METTL15: variants seen among roughly 807,000 people sequenced by gnomAD.
The protein encoded by METTL15 is methyltransferase 15, mitochondrial 12S rRNA N4-cytidine, also known as 12S rRNA N(4)-cytidine methyltransferase METTL15.
METTL15 carries 34 observed loss-of-function variants against 38.3 expected under a neutral mutation model. The observed-to-expected ratio is 0.89, with a 90% CI of 0.68 to 1.18. The LOEUF (loss-of-function observed/expected upper bound fraction) is 1.18. METTL15 is among the 50% of genes most tolerant of loss of function. The probability of loss-of-function intolerance (pLI) is 0.00; values close to 1 mark genes in which losing one functional copy is unlikely to be tolerated. For synonymous variants in METTL15, 162 were observed against 170.9 expected (o/e 0.95, Z 0.41); for missense variants, 438 against 498.4 (o/e 0.88, Z 1.15).
At chr11:28,377,132 T>C (rs1276209176) in intron 5 of METTL15, among the ~76,000 whole-genome samples, 2 of 145,008 alleles carry the variant, frequency 1.4e-5, no homozygotes, top group African/African-American at 4.9e-5. Context: ...CTGACAATTA[T>C]GTTTCTTGGA....
intron 4 of METTL15, among the ~76,000 whole-genome samples, chr11:28,215,654 G>C (rs1410674166): frequency 6.6e-6 from 1 of 152,032 alleles, no homozygotes; most frequent in Non-Finnish European, 1.5e-5. Context: ...CCAAGTTAAA[G>C]AAAACTATAA....
At chr11:28,411,252 T>C (rs564668245) in intron 5 of METTL15, among the ~76,000 whole-genome samples, 1 of 151,996 alleles carries the variant, frequency 6.6e-6, no homozygotes, top group African/African-American at 2.4e-5. Flanking sequence ...AATTCTAAAA[T>C]TCATATGGGA....
intron 6 of METTL15, among the ~76,000 whole-genome samples, chr11:28,430,851 T>TG (rs1330651997): frequency 3.9e-5 from 2 of 50,958 alleles, no homozygotes; most frequent in African/African-American, 7.3e-5. Flanking sequence ...GGGAGGGAGG[T>TG]GGGGGGGGTC....
intron 6 of METTL15, among the ~76,000 whole-genome samples, chr11:28,472,601 A>G (rs1232159193): frequency 1.3e-5 from 2 of 152,280 alleles, no homozygotes; most frequent in African/African-American, 2.4e-5. Context: ...CTTTATATCA[A>G]TCTGTATCAG....
At chr11:28,432,734 G>A (rs146435634) in intron 6 of METTL15, among the ~76,000 whole-genome samples, 1 of 152,336 alleles carries the variant, frequency 6.6e-6, no homozygotes, top group East Asian at 1.9e-4. Context: ...GGCAGAGTGA[G>A]TAGTACACGT....
chr11:28,319,114 A>G (rs1002558900), intron 6 of METTL15, among the ~76,000 whole-genome samples: 1 of 152,162 alleles, frequency 6.6e-6, no homozygotes, highest in African/African-American at 2.4e-5. Flanking sequence ...GTAGGGAGAA[A>G]GCCAAACTCT....
chr11:28,377,086 C>G (rs1350687224), intron 5 of METTL15, among the ~76,000 whole-genome samples: 5 of 135,030 alleles, frequency 3.7e-5, no homozygotes, highest in East Asian at 2.0e-4. Flanking sequence ...TCTGGCTGCC[C>G]TCAACATTTT....
downstream of METTL15, among the ~76,000 whole-genome samples, chr11:28,335,395 T>A (rs1406885740): frequency 6.6e-6 from 1 of 152,232 alleles, no homozygotes; most frequent in Non-Finnish European, 1.5e-5. Context: ...TCTTGAATTC[T>A]CATTTGTTTC....
At chr11:28,388,380 A>G (rs190923320) in intron 5 of METTL15, among the ~76,000 whole-genome samples, 1 of 152,284 alleles carries the variant, frequency 6.6e-6, no homozygotes, top group East Asian at 1.9e-4. Flanking sequence ...ATGATATAGA[A>G]TCAACACAAA....
chr11:28,401,105 A>G (rs921672453), intron 5 of METTL15, among the ~76,000 whole-genome samples: 2 of 152,038 alleles, frequency 1.3e-5, no homozygotes, highest in Non-Finnish European at 2.9e-5. Flanking sequence ...ATGACATGCC[A>G]GTGGCAAATG....
chr11:28,166,971 A>G (rs937309485), intron 3 of METTL15, among the ~76,000 whole-genome samples: 1 of 152,180 alleles, frequency 6.6e-6, no homozygotes, highest in African/African-American at 2.4e-5. Context: ...AAAAATACTG[A>G]AAATGAAAAT....
At chr11:28,111,075 A>AT (rs34222611) in intron 2 of METTL15, among the ~76,000 whole-genome samples, 5 of 152,188 alleles carry the variant, frequency 3.3e-5, no homozygotes, top group South Asian at 2.1e-4. Flanking sequence ...CCCAGCTTCC[A>AT]TTTTTTTAGG....
At chr11:28,324,569 T>G (rs1468409599) in intron 6 of METTL15, among the ~76,000 whole-genome samples, 1 of 152,188 alleles carries the variant, frequency 6.6e-6, no homozygotes, top group Non-Finnish European at 1.5e-5. Context: ...TGCTGGCAAA[T>G]TTGAGAGTTC....
At chr11:28,257,731 T>G (rs1193406780) in intron 4 of METTL15, among the ~76,000 whole-genome samples, 1 of 152,190 alleles carries the variant, frequency 6.6e-6, no homozygotes, top group Non-Finnish European at 1.5e-5. Flanking sequence ...AATTTCTGCT[T>G]CTTTTTAATT....
intron 6 of METTL15, among the ~76,000 whole-genome samples, chr11:28,465,449 G>A (rs1851249252): frequency 6.6e-6 from 1 of 151,976 alleles, no homozygotes; most frequent in Non-Finnish European, 1.5e-5. Context: ...TTCTTGCCTA[G>A]TTTCCCTTCT....
chr11:28,326,767 GT>G (rs1849648043), intron 6 of METTL15, among the ~76,000 whole-genome samples: 1 of 151,388 alleles, frequency 6.6e-6, no homozygotes, highest in Admixed American at 6.6e-5. Flanking sequence ...TTTTGTTTTT[GT>G]TTTTGTTTTT....
At chr11:28,336,434 G>T (rs1286634044), downstream of METTL15, among the ~76,000 whole-genome samples, 1 of 152,198 alleles carries the variant, frequency 6.6e-6, no homozygotes, top group African/African-American at 2.4e-5. Flanking sequence ...TTAGATGGAA[G>T]ATTGTTGCAG....
chr11:28,398,332 G>A (rs1268576667), intron 5 of METTL15, among the ~76,000 whole-genome samples: 2 of 152,034 alleles, frequency 1.3e-5, no homozygotes, highest in Non-Finnish European at 2.9e-5. Context: ...ATCCTCTTCA[G>A]CATCTGTTGT....
chr11:28,521,239 A>G (rs998046875), intron 6 of METTL15, among the ~76,000 whole-genome samples: 2 of 152,194 alleles, frequency 1.3e-5, no homozygotes, highest in African/African-American at 2.4e-5. Flanking sequence ...AGTGCCAAGT[A>G]TATCTTACTG....
Sources: gnomAD v4.1 joint callset for allele counts (sites outside exome capture counted in the v4.1 genomes callset) on GRCh38, gnomAD v4.1.1 for gene constraint, MANE v1.5 for transcripts, NCBI Gene and HGNC (gene_info 2026-07-23, HGNC 2026-07-21) for gene names.